The following ANOS1 variants were observed in gnomAD, a reference collection of about 807,000 sequenced individuals.
The protein encoded by ANOS1 is anosmin-1.
ANOS1 carries 6 observed loss-of-function variants against 59.0 expected under a neutral mutation model. That is an observed-to-expected ratio of 0.10 (90% CI 0.06 to 0.20). The LOEUF is 0.20. ANOS1 is among the 10% of genes least tolerant of loss of function. The pLI, the probability that ANOS1 is intolerant of heterozygous loss-of-function variation, is 1.00. For synonymous variants in ANOS1, 217 were observed against 223.4 expected (o/e 0.97, Z 0.25); for missense variants, 433 against 542.3 (o/e 0.80, Z 2.00).
chrX:8,723,414 CA>C (rs1397964187), intron 1 of ANOS1, among the ~76,000 whole-genome samples: 5 of 111,924 alleles, frequency 4.5e-5, no homozygotes, highest in Non-Finnish European at 9.4e-5. Context: ...CATAAATAAA[CA>C]ATTCTCAAAA....
At chrX:8,680,066 C>A (rs747214690) in intron 2 of ANOS1, among the ~76,000 whole-genome samples, 20 of 102,784 alleles carry the variant, frequency 1.9e-4, no homozygotes, top group Non-Finnish European at 3.5e-4. Context: ...GAGGCTGAGG[C>A]AGGAGAAAGA....
chrX:8,666,725 T>C (rs1301833824), intron 2 of ANOS1, among the ~76,000 whole-genome samples: 2 of 112,201 alleles, frequency 1.8e-5, no homozygotes, highest in African/African-American at 6.5e-5. Flanking sequence ...ACTGTTTTTG[T>C]ACTAAATGAA....
rs750532840 is a variant in ANOS1 at position 8,664,257 on chromosome X, C to A, written c.255+35441G>T. ...CCAGGCCGGAGTGCAGTGGCGCGAT[C>A]TTGGCTCACTGCAAGCTCTGCCTCC... On this transcript the variant is annotated intron_variant, in intron 2 of 13. Transcript: ENST00000262648. 5.0e-3 allele frequency among the ~76,000 whole-genome samples: 559 copies of A among 112,061 alleles called. 4 individuals carry two copies. The highest frequency in any genetic ancestry group is 0.017 in the African/African-American group (532 of 30,850).
At chrX:8,642,404 T>A (rs1219610411) in intron 2 of ANOS1, among the ~76,000 whole-genome samples, 2 of 66,749 alleles carry the variant, frequency 3.0e-5, no homozygotes, top group African/African-American at 6.0e-4. Context: ...GCTATGGGAT[T>A]TTTTTGGGGG....
intron 3 of ANOS1, among the ~76,000 whole-genome samples, chrX:8,607,864 C>G (rs761619614): frequency 1.8e-5 from 2 of 111,482 alleles, no homozygotes; most frequent in Admixed American, 9.6e-5. Flanking sequence ...AGGTAAAAAT[C>G]ATTAAACAGT....
chrX:8,575,460 T>A (rs1007299656), intron 6 of ANOS1, among the ~76,000 whole-genome samples: 3 of 112,126 alleles, frequency 2.7e-5, no homozygotes, highest in South Asian at 3.7e-4. Context: ...AATAATCTCC[T>A]CTTCTAAAGA....
chrX:8,549,226 C>A (rs1206628993), intron 9 of ANOS1, among the ~76,000 whole-genome samples: 2 of 112,321 alleles, frequency 1.8e-5, no homozygotes, highest in Non-Finnish European at 3.8e-5. Context: ...TTTGAGAAAA[C>A]CACTGATATT....
At chrX:8,637,383 T>C (rs145931914) in intron 2 of ANOS1, among the ~76,000 whole-genome samples, 359 of 112,391 alleles carry the variant, frequency 3.2e-3, no homozygotes, top group Non-Finnish European at 5.2e-3. Flanking sequence ...AACTGAACAC[T>C]GTTTTGATTA....
At chrX:8,570,928 A>C (rs1381059881) in intron 6 of ANOS1, among the ~76,000 whole-genome samples, 2 of 110,126 alleles carry the variant, frequency 1.8e-5, no homozygotes, top group Non-Finnish European at 3.8e-5. Context: ...CCTGGGCAAC[A>C]TAGTGAAACC....
At chrX:8,606,779 G>A (rs5934455) in intron 3 of ANOS1, among the ~76,000 whole-genome samples, 40,055 of 111,290 alleles carry the variant, frequency 0.36, 5,159 homozygotes, top group South Asian at 0.44. Context: ...TTTTCTGTGC[G>A]GTTTATTAAT....
chrX:8,644,834 C>T (rs1444311996), intron 2 of ANOS1, among the ~76,000 whole-genome samples: 1 of 112,676 alleles, frequency 8.9e-6, no homozygotes, highest in Non-Finnish European at 1.9e-5. Flanking sequence ...CCACCTATGA[C>T]CTGGAAGCCC....
rs1163462962 is a variant in ANOS1, at chrX:8,586,817, T to C, written c.726+977A>G. Reference sequence around the variant, plus strand: ...TTTTTTTTTCTAATTTAATGTTGTGTTTTTACATCAAACTTCTTATTTATT... The same window carrying C: ...TTTTTTTTTCTAATTTAATGTTGTGCTTTTACATCAAACTTCTTATTTATT... On this transcript the variant is annotated intron_variant, in intron 5 of 13. Transcript: ENST00000262648. 3.7e-5 allele frequency among the ~76,000 whole-genome samples: 4 copies of C among 109,483 alleles called. No homozygotes were observed. In the East Asian group the frequency reaches 1.1e-3, roughly 31 times the overall value.
chrX:8,689,293 A>G (rs1932568951), intron 2 of ANOS1, among the ~76,000 whole-genome samples: 1 of 110,285 alleles, frequency 9.1e-6, no homozygotes, highest in African/African-American at 3.3e-5. Flanking sequence ...CCTTTGCATC[A>G]GAGATGATAG....
At chrX:8,648,645 G>T (rs1931800974) in intron 2 of ANOS1, among the ~76,000 whole-genome samples, 1 of 111,215 alleles carries the variant, frequency 9.0e-6, no homozygotes, top group Non-Finnish European at 1.9e-5. Flanking sequence ...GTTAAAAATT[G>T]TTTGTGTTAA....
chrX:8,711,664 CAGAG>C (rs778361223), intron 1 of ANOS1, among the ~76,000 whole-genome samples: 3 of 112,558 alleles, frequency 2.7e-5, no homozygotes, highest in Non-Finnish European at 5.6e-5. Context: ...TAGAAGGTCT[CAGAG>C]AGCTCTGGGG....
chrX:8,704,919 T>C (rs1932772995), intron 1 of ANOS1, among the ~76,000 whole-genome samples: 1 of 111,684 alleles, frequency 9.0e-6, no homozygotes, highest in African/African-American at 3.3e-5. Context: ...TTCAGTCTTA[T>C]TATAGTGAGA....
intron 6 of ANOS1, among the ~76,000 whole-genome samples, chrX:8,581,044 G>A (rs1368343016): frequency 2.7e-5 from 3 of 111,456 alleles, no homozygotes; most frequent in Admixed American, 9.5e-5. Flanking sequence ...GAAACACCAC[G>A]GTCATTGCAG....
intron 2 of ANOS1, among the ~76,000 whole-genome samples, chrX:8,625,877 C>G (rs1421940148): frequency 9.1e-6 from 1 of 110,050 alleles, no homozygotes; most frequent in Non-Finnish European, 1.9e-5. Flanking sequence ...CTTTGGGAGG[C>G]CGAGGCGGGC....
chrX:8,665,168 A>T (rs1041010366), intron 2 of ANOS1, among the ~76,000 whole-genome samples: 2 of 112,203 alleles, frequency 1.8e-5, no homozygotes, highest in Non-Finnish European at 3.8e-5. Flanking sequence ...ATTCCCCACA[A>T]GTCAAACCTT....
Sources: allele counts gnomAD v4.1 joint callset (sites outside exome capture counted in the v4.1 genomes callset), GRCh38; gene constraint gnomAD v4.1.1; transcripts MANE v1.5; gene names NCBI Gene and HGNC (gene_info 2026-07-23, HGNC 2026-07-21).